The following MCF2L2 variants were observed in gnomAD, a reference collection of about 807,000 sequenced individuals.
MCF2L2 encodes MCF.2 cell line derived transforming sequence-like 2.
MCF2L2 carries 102 observed loss-of-function variants against 150.2 expected under a neutral mutation model. The observed-to-expected ratio is 0.68, with a 90% CI of 0.58 to 0.80. The LOEUF is 0.80. Ranked by LOEUF, MCF2L2 falls within the 30% of genes least tolerant of loss-of-function variation. The pLI, the probability that MCF2L2 is intolerant of heterozygous loss-of-function variation, is 0.00. For synonymous variants in MCF2L2, 465 were observed against 491.3 expected (o/e 0.95, Z 0.71); for missense variants, 1,256 against 1,372.8 (o/e 0.91, Z 1.34).
intron 11 of MCF2L2, chr3:183,299,098 T>TCC (rs1728708400): frequency 6.6e-6 from 1 of 152,394 alleles, no homozygotes; most frequent in Non-Finnish European, 1.5e-5. Context: ...TCCTGCTGAC[T>TCC]GGGAACATAC....
At chr3:183,207,569 G>T in intron 23 of MCF2L2, 39 bp downstream of exon 23, 1 of 1,473,602 alleles carries the variant, frequency 6.8e-7, no homozygotes, top group Non-Finnish European at 9.5e-7. Flanking sequence ...TCTCTTTTCT[G>T]CATAGGGCGA....
At chr3:183,421,431 T>C (rs1715876490) in intron 1 of MCF2L2, among the ~76,000 whole-genome samples, 1 of 152,226 alleles carries the variant, frequency 6.6e-6, no homozygotes. Context: ...AATCCACTGT[T>C]AAGCTCCTCT....
chr3:183,285,894 G>A (rs574065742), intron 14 of MCF2L2, among the ~76,000 whole-genome samples: 1 of 152,280 alleles, frequency 6.6e-6, no homozygotes, highest in East Asian at 1.9e-4. Context: ...AGGCTGTGAT[G>A]TTGGCAGCCC....
intron 27 of MCF2L2, 179 bp from the exon 28 acceptor site, chr3:183,180,338 T>C: frequency 1.9e-6 from 1 of 524,376 alleles, no homozygotes. Context: ...TCCAGGCTGC[T>C]TTTCCAGCGC....
intron 1 of MCF2L2, among the ~76,000 whole-genome samples, chr3:183,408,502 G>A (rs1341340255): frequency 6.6e-6 from 1 of 152,210 alleles, no homozygotes; most frequent in Non-Finnish European, 1.5e-5. Context: ...ATGGCCATGG[G>A]CAGGGGTTAT....
rs531875726 is a variant in MCF2L2 at position 183,293,837 on chromosome 3, T to C, written c.1675+1463A>G. On this transcript the variant is annotated intron_variant, in intron 13 of 29. Coordinates refer to ENST00000328913, the MANE Select transcript of MCF2L2 (RefSeq NM_015078.4). ...ATAGAAATCTATTCCTATTCTTAAT[T>C]ATATATGGTAAATTCCATTCATTAT... 6.6e-5 allele frequency among the ~76,000 whole-genome samples: 10 copies of C among 152,320 alleles called. 1 individual carries two copies. Among genetic ancestry groups the C allele is most frequent in the Admixed American group, 2.0e-4 (3 of 15,296 alleles).
intron 10 of MCF2L2, among the ~76,000 whole-genome samples, chr3:183,303,221 T>C (rs1303951048): frequency 6.9e-6 from 1 of 145,182 alleles, no homozygotes; most frequent in Non-Finnish European, 1.5e-5. Context: ...TCCTCCCTCC[T>C]CCACTCACTC....
intron 15 of MCF2L2, among the ~76,000 whole-genome samples, chr3:183,234,357 A>G (rs1347040426): frequency 1.3e-5 from 2 of 152,122 alleles, no homozygotes; most frequent in Non-Finnish European, 2.9e-5. Flanking sequence ...AACTTAAGAG[A>G]CTCTTAGGAG....
chr3:183,238,589 G>T (rs900788360), intron 15 of MCF2L2, among the ~76,000 whole-genome samples: 1 of 151,434 alleles, frequency 6.6e-6, no homozygotes. Context: ...CACCTCGCCT[G>T]GCCAGTGTTA....
At chr3:183,190,500 A>C (rs1721846126) in intron 27 of MCF2L2, among the ~76,000 whole-genome samples, 1 of 152,264 alleles carries the variant, frequency 6.6e-6, no homozygotes. Flanking sequence ...AAGCTAGGGC[A>C]GGGAAGAAGC....
intron 3 of MCF2L2, among the ~76,000 whole-genome samples, chr3:183,369,019 G>T (rs956444976): frequency 3.9e-5 from 6 of 152,178 alleles, no homozygotes; most frequent in Admixed American, 1.3e-4. Context: ...AGTGGTACTA[G>T]AATCCTTCCC....
At chr3:183,224,910 A>G (rs573368744) in intron 18 of MCF2L2, 2 of 152,364 alleles carry the variant, frequency 1.3e-5, no homozygotes, top group East Asian at 3.9e-4. Flanking sequence ...ATATCTGCCA[A>G]TCTCCCGGAG....
At chr3:183,307,129 T>C (rs890152744) in intron 10 of MCF2L2, among the ~76,000 whole-genome samples, 5 of 152,204 alleles carry the variant, frequency 3.3e-5, no homozygotes, top group African/African-American at 1.2e-4. Flanking sequence ...GTGAGAATGA[T>C]GTCACTGTGT....
At chr3:183,195,453 T>A (rs1015540629) in intron 25 of MCF2L2, among the ~76,000 whole-genome samples, 198 bp from the exon 26 acceptor site, 4 of 152,152 alleles carry the variant, frequency 2.6e-5, no homozygotes, top group Admixed American at 2.6e-4. Flanking sequence ...GGTCCTGGCA[T>A]CCTCCCCAAC....
chr3:183,348,770 G>A (rs1731000076), intron 3 of MCF2L2, among the ~76,000 whole-genome samples: 1 of 151,836 alleles, frequency 6.6e-6, no homozygotes, highest in Non-Finnish European at 1.5e-5. Flanking sequence ...AGTATCGGCA[G>A]AGATAAGTTA....
intron 15 of MCF2L2, among the ~76,000 whole-genome samples, chr3:183,249,268 T>C (rs1465917117): frequency 6.6e-6 from 1 of 152,120 alleles, no homozygotes. Context: ...GATCTGCTGC[T>C]GGGAAAAGGA....
chr3:183,308,067 T>C (rs544672053), intron 10 of MCF2L2, among the ~76,000 whole-genome samples: 2 of 152,370 alleles, frequency 1.3e-5, no homozygotes, highest in Admixed American at 1.3e-4. Flanking sequence ...CTATTATATC[T>C]TGTTTTCTTT....
chr3:183,228,777 C>T (rs1421652403), intron 17 of MCF2L2, among the ~76,000 whole-genome samples: 2 of 152,190 alleles, frequency 1.3e-5, no homozygotes, highest in Non-Finnish European at 2.9e-5. Flanking sequence ...GATGCTCTCT[C>T]TTACATGAAA....
rs139056890 is a variant in MCF2L2 at position 183,192,201 on chromosome 3, C to T, written c.3016+798G>A. 4.1e-3 allele frequency among the ~76,000 whole-genome samples: 614 copies of T among 151,598 alleles called. 3 individuals carry two copies. The highest frequency in any genetic ancestry group is 0.014 in the African/African-American group (590 of 41,302). On this transcript the variant is annotated intron_variant, in intron 27 of 29. Transcript: ENST00000328913. ...TGTCGGCCAGGCTGGAGTGCAGTGG[C>T]ACCATCTCGCTCACTGCAACCTCCG... is the stretch of plus-strand genomic sequence containing the variant.
Sources: allele counts gnomAD v4.1 joint callset (sites outside exome capture counted in the v4.1 genomes callset), GRCh38; gene constraint gnomAD v4.1.1; transcripts MANE v1.5; gene names NCBI Gene and HGNC (gene_info 2026-07-23, HGNC 2026-07-21).